KCNIP4: variants seen among roughly 807,000 people sequenced by gnomAD.
KCNIP4 encodes the protein Kv channel-interacting protein 4.
In KCNIP4, 12 loss-of-function variants were observed where a neutral mutation model predicts 34.0. That is an observed-to-expected ratio of 0.35 (90% CI 0.23 to 0.57). The LOEUF is 0.57. Ranked by LOEUF, KCNIP4 falls within the 20% of genes least tolerant of loss-of-function variation. The pLI, the probability that KCNIP4 is intolerant of heterozygous loss-of-function variation, is 0.83. For synonymous variants in KCNIP4, 124 were observed against 102.2 expected, an observed-to-expected ratio of 1.21 and a Z score of -1.29; for missense variants, 238 against 311.7, an observed-to-expected ratio of 0.76 and a Z score of 1.78.
At chr4:21,295,252 A>C (rs2109222481) in intron 1 of KCNIP4, among the ~76,000 whole-genome samples, 1 of 152,254 alleles carries the variant, frequency 6.6e-6, no homozygotes, top group East Asian at 1.9e-4. Flanking sequence ...GTTGTTTCAT[A>C]TAAAGGAAGT....
intron 1 of KCNIP4, among the ~76,000 whole-genome samples, chr4:21,534,883 A>G (rs1298257567): frequency 6.6e-6 from 1 of 152,138 alleles, no homozygotes; most frequent in African/African-American, 2.4e-5. Context: ...AGTCAGCTTC[A>G]CATCGTAGGG....
chr4:21,374,710 T>A (rs1387638839), intron 1 of KCNIP4, among the ~76,000 whole-genome samples: 1 of 147,628 alleles, frequency 6.8e-6, no homozygotes, highest in Non-Finnish European at 1.5e-5. Flanking sequence ...CAAATGTATC[T>A]TATATAAAAT....
At chr4:20,904,043 C>T (rs1371563907) in intron 1 of KCNIP4, among the ~76,000 whole-genome samples, 4 of 152,170 alleles carry the variant, frequency 2.6e-5, no homozygotes, top group African/African-American at 9.6e-5. Context: ...ATGGCGTTTA[C>T]CCACTGAGCT....
chr4:20,741,446 GA>G (rs1333078039), intron 5 of KCNIP4, among the ~76,000 whole-genome samples: 1 of 152,168 alleles, frequency 6.6e-6, no homozygotes, highest in East Asian at 1.9e-4. Flanking sequence ...CTTGGAAACT[GA>G]ACAACCTGCT....
rs188194743 is a variant in KCNIP4, at chr4:21,106,655, G to C, written c.62-223946C>G. On this transcript the variant is annotated intron_variant, in intron 1 of 8. Coordinates refer to ENST00000382152, the MANE Select transcript of KCNIP4 (RefSeq NM_025221.6). ...CTTCTGCTAGCGTTTGAATGTGTTT[G>C]CTCTTGCTTTTCTAGTTCTTTTAAT... Among the ~76,000 whole-genome samples, 311 of 151,522 alleles carry C rather than the reference G, an allele frequency of 2.1e-3. 3 individuals carry two copies. Among genetic ancestry groups the C allele is most frequent in the East Asian group, 0.017 (88 of 5,154 alleles).
chr4:21,022,111 G>A (rs1012196316), intron 1 of KCNIP4, among the ~76,000 whole-genome samples: 9 of 151,980 alleles, frequency 5.9e-5, no homozygotes, highest in Non-Finnish European at 1.0e-4. Context: ...AAAACCTTGA[G>A]ACCACCATTG....
rs146209380 is a variant in KCNIP4, at chr4:21,705,498, A to G, written c.61+243073T>C. On this transcript the variant is annotated intron_variant, in intron 1 of 8. Transcript: ENST00000382152. ...TAAAAATACCTTTTGAGCCCCTTCT[A>G]TGCACTACTGTTTTAGGTGCTGAAT... Among the ~76,000 whole-genome samples the G allele has an allele frequency of 1.7e-3, 266 of 152,304 alleles. 10 individuals carry two copies. The South Asian group carries it at 0.036, about 21-fold the overall frequency.
chr4:21,354,072 A>G (rs1028305635), intron 1 of KCNIP4, among the ~76,000 whole-genome samples: 1 of 152,156 alleles, frequency 6.6e-6, no homozygotes, highest in Non-Finnish European at 1.5e-5. Flanking sequence ...TGGGAGAAAC[A>G]AAATTCTTTA....
intron 1 of KCNIP4, among the ~76,000 whole-genome samples, chr4:21,205,575 T>C (rs929961): frequency 0.51 from 78,060 of 152,082 alleles, 22,214 homozygotes; most frequent in African/African-American, 0.78. Flanking sequence ...TGTGTTGGGT[T>C]TACGCCTCAG....
intron 1 of KCNIP4, among the ~76,000 whole-genome samples, chr4:21,431,675 T>A (rs1560399192): frequency 6.6e-6 from 1 of 151,940 alleles, no homozygotes; most frequent in Non-Finnish European, 1.5e-5. Flanking sequence ...AGAATGGGGA[T>A]ACCTAAGAAA....
At chr4:21,889,351 A>G (rs1273676009) in intron 1 of KCNIP4, among the ~76,000 whole-genome samples, 1 of 151,962 alleles carries the variant, frequency 6.6e-6, no homozygotes, top group Non-Finnish European at 1.5e-5. Flanking sequence ...CTCATTAATT[A>G]TGTATATGCA....
intron 1 of KCNIP4, among the ~76,000 whole-genome samples, chr4:21,496,539 G>A (rs370319772): frequency 1.3e-5 from 2 of 152,142 alleles, no homozygotes; most frequent in Non-Finnish European, 2.9e-5. Context: ...CTGATCCAAC[G>A]TGACTAGTCT....
intron 1 of KCNIP4, among the ~76,000 whole-genome samples, chr4:21,566,206 T>C (rs1739868335): frequency 6.6e-6 from 1 of 152,140 alleles, no homozygotes; most frequent in African/African-American, 2.4e-5. Flanking sequence ...GTGTGAAGAA[T>C]GAGTTGGTCT....
chr4:20,806,757 A>C (rs936099161), intron 3 of KCNIP4, among the ~76,000 whole-genome samples: 4 of 152,140 alleles, frequency 2.6e-5, no homozygotes, highest in African/African-American at 9.7e-5. Flanking sequence ...AATATCTGTA[A>C]AAAGTTTTCA....
At chr4:21,614,917 G>C (rs1744470211) in intron 1 of KCNIP4, among the ~76,000 whole-genome samples, 2 of 152,134 alleles carry the variant, frequency 1.3e-5, no homozygotes, top group African/African-American at 2.4e-5. Flanking sequence ...TACTGCACAT[G>C]TGTCACCGTC....
chr4:21,354,184 C>A (rs1053962197), intron 1 of KCNIP4, among the ~76,000 whole-genome samples: 1 of 152,154 alleles, frequency 6.6e-6, no homozygotes, highest in African/African-American at 2.4e-5. Flanking sequence ...GTACCAGCCA[C>A]TGCAAAAACA....
At chr4:21,221,625 G>A (rs1259959655) in intron 1 of KCNIP4, among the ~76,000 whole-genome samples, 1 of 152,154 alleles carries the variant, frequency 6.6e-6, no homozygotes, top group African/African-American at 2.4e-5. Context: ...GACATGTGGA[G>A]ATTATAGGGA....
chr4:21,323,573 T>C (rs988001143), intron 1 of KCNIP4, among the ~76,000 whole-genome samples: 1 of 152,096 alleles, frequency 6.6e-6, no homozygotes, highest in African/African-American at 2.4e-5. Flanking sequence ...GTGTCATCCA[T>C]ATTGTTGCAA....
At chr4:21,172,089 G>T (rs778736169) in intron 1 of KCNIP4, among the ~76,000 whole-genome samples, 1 of 152,178 alleles carries the variant, frequency 6.6e-6, no homozygotes, top group Admixed American at 6.5e-5. Context: ...GTGCAGTGGC[G>T]TGATCTTGGC....
Sources: allele counts gnomAD v4.1 joint callset (sites outside exome capture counted in the v4.1 genomes callset), GRCh38; gene constraint gnomAD v4.1.1; transcripts MANE v1.5; gene names NCBI Gene and HGNC (gene_info 2026-07-23, HGNC 2026-07-21).